Variants in QRICH2 observed in about 807,000 individuals in gnomAD.
QRICH2 encodes the protein glutamine rich 2, also known as glutamine-rich protein 2.
In QRICH2, 119 loss-of-function variants were observed where a neutral mutation model predicts 168.3. The ratio of observed to expected loss-of-function variants is 0.71; its 90% CI spans 0.61 to 0.82. QRICH2 has a LOEUF of 0.82. Among genes scored for constraint, QRICH2 ranks in the 40% least tolerant of loss-of-function variants. QRICH2 has a pLI of 0.00. For missense variants in QRICH2, 2,241 were observed against 2,491.6 expected (o/e 0.90, Z 2.14); for synonymous variants, 894 against 951.2 (o/e 0.94, Z 1.11).
At chr17:76,282,822 C>T (rs1486722671) in intron 7 of QRICH2, among the ~76,000 whole-genome samples, 4 of 152,204 alleles carry the variant, frequency 2.6e-5, no homozygotes, top group Non-Finnish European at 5.9e-5. Context: ...AAAAGAGAGG[C>T]TGGGCCAACC....
Position 76,291,889 on chromosome 17 carries a change from TG to T in QRICH2, c.2837del (p.Ala946AspfsTer26). 6.2e-7 allele frequency: 1 copy of T among 1,614,148 alleles called. No individual in the cohort carries two copies. Among genetic ancestry groups the T allele is most frequent in the Non-Finnish European group, 8.5e-7 (1 of 1,180,018 alleles). Reference protein sequence around the residue: ...AYPLGLVQPGAYLHDLSQSGT... With the variant: ...AYPLGLVQPGXYLHDLSQSGT... ...CAGATTGAGATAAATCATGCAAATA[TG>T]CACCAGGTTGTACCAAACCAAGAGG... On this transcript the variant is annotated frameshift_variant, in exon 4 of 19. Transcript: ENST00000680821. LOFTEE classifies it high-confidence loss of function.
At chr17:76,286,168 C>G (rs1373997775) in intron 7 of QRICH2, among the ~76,000 whole-genome samples, 1 of 131,844 alleles carries the variant, frequency 7.6e-6, no homozygotes, top group Non-Finnish European at 1.6e-5. Flanking sequence ...GAGCAAGACT[C>G]CGTCTCAAAA....
Position 76,278,170 on chromosome 17 carries a change from A to C in QRICH2, c.4936T>G (p.Phe1646Val). ...HSRNLKLGSA[F>V]PRGDLAQMEQ... Reference sequence around the variant, plus strand: ...ATCTGCGCCAGGTCACCCCGAGGGAAGGCGCTGCCCAGCTTGAGGCTGCAG... The same window carrying C: ...ATCTGCGCCAGGTCACCCCGAGGGACGGCGCTGCCCAGCTTGAGGCTGCAG... The change falls in exon 15 of 19, where the codon TTC becomes GTC. Residue 1646 changes from phenylalanine (F) to valine (V), a missense_variant. Coordinates refer to ENST00000680821, the MANE Select transcript of QRICH2 (RefSeq NM_001388453.1). 6.2e-7 allele frequency: 1 copy of C among 1,608,100 alleles called. No homozygotes were observed. The highest frequency in any genetic ancestry group is 8.5e-7 in the Non-Finnish European group (1 of 1,179,996).
Position 76,293,226 on chromosome 17 carries a change from C to T in QRICH2, c.1501G>A (p.Gly501Ser), listed in dbSNP as rs926474971. The change falls in exon 4 of 19, where the codon GGT (glycine) becomes AGT (serine). Residue 501 changes from glycine to serine, a missense_variant. By Grantham distance (56) the Gly-to-Ser change is moderately conservative (BLOSUM62 0). Transcript: ENST00000680821. ...DQRGCVISGM[G>S]QQGLVPPGID... is the part of the protein sequence containing the mutation. ...CCAGGGGGTACTAGTCCTTGCTGAC[C>T]CATGCCTGATATTACACATCCACGC... The T allele has an allele frequency of 1.9e-6, 3 of 1,614,032 alleles. No individual in the cohort carries two copies. The highest frequency in any genetic ancestry group is 1.6e-4 in the Middle Eastern group (1 of 6,062).
At chr17:76,295,073 CAAAT>C (rs201787948) in intron 3 of QRICH2, among the ~76,000 whole-genome samples, 26,714 of 142,662 alleles carry the variant, frequency 0.19, 2,596 homozygotes, top group Middle Eastern at 0.26. Flanking sequence ...CTACTAAAAA[CAAAT>C]AAATAAATAA....
chr17:76,291,650 A>G lies in QRICH2; in HGVS notation c.3077T>C (p.Leu1026Pro), dbSNP rs768407116. 4.0e-5 allele frequency: 64 copies of G among 1,614,074 alleles called. No homozygotes were observed. The highest frequency in any genetic ancestry group is 5.2e-5 in the Non-Finnish European group (61 of 1,180,042). The change falls in exon 4 of 19, where the codon CTA becomes CCA. Residue 1026 changes from leucine to proline, a missense_variant. Physicochemically the swap from Leu to Pro is moderately conservative, Grantham distance 98. Transcript: ENST00000680821. ...REQYGQVSPL[L>P]ASQGLASPGI... Reference sequence around the variant, plus strand: ...AGGTGATGCCAAACCTTGACTGGCTAGGAGTGGTGACACCTGGCCGTATTG... The same window carrying G: ...AGGTGATGCCAAACCTTGACTGGCTGGGAGTGGTGACACCTGGCCGTATTG...
In QRICH2 at chr17:76,276,675, C is replaced by T. The variant is rs2070685269; in HGVS notation, c.5353+5G>A. Reference sequence around the variant, plus strand: ...GGTGCCTGGGGGCCTCTGGACTCCACTCACTGTCTTTTCGGAGGATGCCTG... The same window carrying T: ...GGTGCCTGGGGGCCTCTGGACTCCATTCACTGTCTTTTCGGAGGATGCCTG... On this transcript the variant is annotated splice_donor_5th_base_variant and intron_variant, in intron 17 of 18. Coordinates refer to ENST00000680821, the MANE Select transcript of QRICH2 (RefSeq NM_001388453.1). 3 of 1,610,258 alleles carry T rather than the reference C, an allele frequency of 1.9e-6. No individual in the cohort carries two copies. The highest frequency in any genetic ancestry group is 2.2e-5 in the East Asian group (1 of 44,888).
rs916774669 is a variant in QRICH2 at position 76,279,095 on chromosome 17, G to A, written c.4862C>T (p.Ser1621Phe). 9 of 1,613,814 alleles carry A rather than the reference G, an allele frequency of 5.6e-6. No individual in the cohort carries two copies. Among genetic ancestry groups the A allele is most frequent in the Non-Finnish European group, 7.6e-6 (9 of 1,180,012 alleles). The part of the protein sequence containing the change: ...PAGPGLPGHH[S>F]IRPYTVFELE... ...TTCAAACACCGTGTAGGGGCGGATG[G>A]AATGGTGCCCAGGTAGGCCTGGACC... Residue 1621 changes from serine (S) to phenylalanine (F), a missense_variant, in exon 14 of 19, where the codon TCC becomes TTC. Transcript: ENST00000680821.
intron 3 of QRICH2, among the ~76,000 whole-genome samples, chr17:76,301,872 TTGTGTG>T (rs139933188): frequency 0.066 from 9,033 of 136,076 alleles, 308 homozygotes; most frequent in Middle Eastern, 0.14. Flanking sequence ...CTGGCTAATT[TTGTGTG>T]TGTGTGTGTG....
At chr17:76,308,814 C>T (rs1223447301), upstream of QRICH2, among the ~76,000 whole-genome samples, 4 of 151,902 alleles carry the variant, frequency 2.6e-5, no homozygotes, top group Admixed American at 2.6e-4. Context: ...GGCACGATCT[C>T]GGCTCACTGC....
chr17:76,275,954 G>A lies in QRICH2; in HGVS notation c.5354-7C>T, dbSNP rs747186414. The A allele has an allele frequency of 3.1e-6, 5 of 1,605,902 alleles. No individual in the cohort carries two copies. The highest frequency in any genetic ancestry group is 4.2e-6 in the Non-Finnish European group (5 of 1,179,796). On this transcript the variant is annotated splice_region_variant and splice_polypyrimidine_tract_variant and intron_variant, in intron 17 of 18. Coordinates refer to ENST00000680821, the MANE Select transcript of QRICH2 (RefSeq NM_001388453.1). ...CGCTTTGAGGTCCCTGAGCCTGATG[G>A]GGGACAGGAGGGAAGGGTCAGTGCT...
At position 76,287,900 on chromosome 17, in the gene QRICH2, A is replaced by G. The variant is rs769195731; in HGVS notation, c.3799-3T>C. ...AGGATCCTCTGCAGCCTTTCCACCT[A>G]CAAACCCAGTGAATGAGGAGGGTCA... On this transcript the variant is annotated splice_polypyrimidine_tract_variant and splice_region_variant and intron_variant, in intron 5 of 18. Coordinates refer to ENST00000680821, the MANE Select transcript of QRICH2 (RefSeq NM_001388453.1). 5 of 1,612,260 alleles carry G rather than the reference A, an allele frequency of 3.1e-6. No individual in the cohort carries two copies. The highest frequency in any genetic ancestry group is 4.2e-6 in the Non-Finnish European group (5 of 1,178,582).
At chr17:76,309,270 C>T (rs2071039323), upstream of QRICH2, among the ~76,000 whole-genome samples, 1 of 150,100 alleles carries the variant, frequency 6.7e-6, no homozygotes, top group Non-Finnish European at 1.5e-5. Context: ...GCAGGAGAAT[C>T]GCGTCAACCC....
At chr17:76,303,393 C>T (rs2070936779) in intron 3 of QRICH2, among the ~76,000 whole-genome samples, 2 of 152,172 alleles carry the variant, frequency 1.3e-5, no homozygotes, top group East Asian at 1.9e-4. Flanking sequence ...GTTTTGATAA[C>T]CCACTAGCCC....
intron 3 of QRICH2, among the ~76,000 whole-genome samples, chr17:76,298,946 T>G (rs1330066104): frequency 6.6e-6 from 1 of 152,040 alleles, no homozygotes; most frequent in Non-Finnish European, 1.5e-5. Flanking sequence ...CTTTTGTAGC[T>G]TTTCAAACTT....
chr17:76,278,469 G>A (rs886823483), intron 14 of QRICH2, among the ~76,000 whole-genome samples: 1 of 152,224 alleles, frequency 6.6e-6, no homozygotes, highest in Non-Finnish European at 1.5e-5. Flanking sequence ...GGGCAGCCCC[G>A]GGCCTTCCCA....
intron 18 of QRICH2, among the ~76,000 whole-genome samples, chr17:76,274,725 CACT>C (rs548742286): frequency 7.5e-4 from 114 of 152,284 alleles, no homozygotes; most frequent in African/African-American, 2.5e-3. Flanking sequence ...CACTGTCCAC[CACT>C]GAGACCTGCC....
In QRICH2 at chr17:76,294,121, C is replaced by T. The variant is rs944258900; in HGVS notation, c.706-100G>A. ...AAGTTCTGACTAGGATGATTTAGGG[C>T]CCCTGGAGAAAAAAGCCCTCTGGTC... On this transcript the variant is annotated intron_variant, in intron 3 of 18. Coordinates refer to ENST00000680821, the MANE Select transcript of QRICH2 (RefSeq NM_001388453.1). 6.9e-6 allele frequency: 10 copies of T among 1,448,090 alleles called. No individual in the cohort carries two copies. In the East Asian group the frequency reaches 2.1e-4, roughly 30 times the overall value. The allele number at this position is 1,448,090 out of a possible 1,614,324, so 89.7% of individuals were successfully genotyped here.
chr17:76,274,174 C>T lies in QRICH2; in HGVS notation c.5569G>A (p.Val1857Met). The T allele has an allele frequency of 6.3e-7, 1 of 1,584,436 alleles. No individual in the cohort carries two copies. Among genetic ancestry groups the T allele is most frequent in the Non-Finnish European group, 8.5e-7 (1 of 1,170,580 alleles). ...NTAHPPSSAA[V>M]ANRGLERHVD... ...TGCCTCTCCAGCCCCCTGTTTGCCA[C>T]CGCGGCGGAGCTGGGCGGGTGGGCT... The change falls in exon 19 of 19, where the codon GTG becomes ATG. Residue 1857 changes from valine (V) to methionine (M), a missense_variant. By Grantham distance (21) the Val-to-Met change is conservative (BLOSUM62 1). Transcript: ENST00000680821.
Sources: allele counts gnomAD v4.1 joint callset (sites outside exome capture counted in the v4.1 genomes callset), GRCh38; gene constraint gnomAD v4.1.1; transcripts MANE v1.5; gene names NCBI Gene and HGNC (gene_info 2026-07-23, HGNC 2026-07-21).